The following SNTG2 variants were observed in gnomAD, a reference collection of about 807,000 sequenced individuals.
SNTG2 encodes gamma-2-syntrophin.
A neutral mutation model predicts 70.9 loss-of-function variants in SNTG2; 74 were observed. The observed-to-expected ratio is 1.04, with a 90% CI of 0.86 to 1.27. The LOEUF (loss-of-function observed/expected upper bound fraction) is 1.27. Among genes scored for constraint, SNTG2 ranks in the 50% most tolerant of loss-of-function variants. SNTG2 has a pLI of 0.00. For synonymous variants in SNTG2, 278 were observed against 273.8 expected (o/e 1.02, Z -0.15); for missense variants, 717 against 690.7 (o/e 1.04, Z -0.43).
At chr2:1,191,971 T>G (rs1437526297) in intron 8 of SNTG2, among the ~76,000 whole-genome samples, 1 of 152,186 alleles carries the variant, frequency 6.6e-6, no homozygotes, top group Non-Finnish European at 1.5e-5. Context: ...GATAGACATT[T>G]AAGTAAATAA....
intron 15 of SNTG2, among the ~76,000 whole-genome samples, 197 bp from the exon 16 acceptor site, chr2:1,316,068 G>A (rs1361235736): frequency 6.6e-6 from 1 of 152,184 alleles, no homozygotes; most frequent in African/African-American, 2.4e-5. Flanking sequence ...GGAGAGTTGA[G>A]TGGGCTGGAG....
chr2:1,302,383 G>T (rs572440822), intron 14 of SNTG2, among the ~76,000 whole-genome samples: 50 of 152,150 alleles, frequency 3.3e-4, no homozygotes, highest in African/African-American at 1.2e-3. Flanking sequence ...GAAAAGGAAG[G>T]TGAAGGGGAG....
In SNTG2 at chr2:1,321,348, A is replaced by G. The variant is rs1477419998; in HGVS notation, c.1488+4973A>G. Among the ~76,000 whole-genome samples the G allele has an allele frequency of 2.0e-5, 3 of 152,122 alleles. No homozygotes were observed. In the East Asian group the frequency reaches 5.8e-4, roughly 29 times the overall value. On this transcript the variant is annotated intron_variant, in intron 16 of 16. Coordinates refer to ENST00000308624, the MANE Select transcript of SNTG2 (RefSeq NM_018968.4). ...GGAGAAACACTACCGTGTATTTTTCACTCTATAATGATCTGTGAGAGTAAA... is the reference window on the plus strand; with the variant it reads ...GGAGAAACACTACCGTGTATTTTTCGCTCTATAATGATCTGTGAGAGTAAA...
chr2:1,230,837 G>A (rs1676171727), intron 9 of SNTG2, among the ~76,000 whole-genome samples: 1 of 152,220 alleles, frequency 6.6e-6, no homozygotes, highest in African/African-American at 2.4e-5. Context: ...CTCTTCCATA[G>A]GGTCACTGCA....
At chr2:1,366,595 C>T (rs1661499969) in intron 16 of SNTG2, among the ~76,000 whole-genome samples, 1 of 152,182 alleles carries the variant, frequency 6.6e-6, no homozygotes, top group African/African-American at 2.4e-5. Context: ...CTAGGAAACT[C>T]TCCCTGGGGC....
intron 1 of SNTG2, among the ~76,000 whole-genome samples, chr2:1,045,035 T>A (rs1661653158): frequency 6.6e-6 from 1 of 152,032 alleles, no homozygotes; most frequent in Admixed American, 6.6e-5. Context: ...GTCAGTTTTT[T>A]TTTTGTTAAT....
At chr2:1,330,782 G>C (rs1659483805) in intron 16 of SNTG2, among the ~76,000 whole-genome samples, 1 of 152,212 alleles carries the variant, frequency 6.6e-6, no homozygotes, top group Non-Finnish European at 1.5e-5. Flanking sequence ...GCAAGACAGA[G>C]CTCCATAAAT....
intron 1 of SNTG2, among the ~76,000 whole-genome samples, chr2:1,011,216 G>A (rs946252907): frequency 2.0e-5 from 3 of 152,238 alleles, no homozygotes; most frequent in Admixed American, 6.5e-5. Flanking sequence ...GTGACTGAGG[G>A]CCAGGTGGGA....
At chr2:1,336,277 C>T (rs1659811800) in intron 16 of SNTG2, among the ~76,000 whole-genome samples, 1 of 152,128 alleles carries the variant, frequency 6.6e-6, no homozygotes, top group Non-Finnish European at 1.5e-5. Flanking sequence ...TTGGGAAATG[C>T]CTGTCCAAGT....
rs973094514 is a variant in SNTG2 at position 1,097,701 on chromosome 2, A to C, written c.211-495A>C. ...TATCCCAGACATCTGTGGTCAGAGG[A>C]CGTGAAAAAATGGATCATTCATGAA... On this transcript the variant is annotated intron_variant, in intron 2 of 16. Coordinates refer to ENST00000308624, the MANE Select transcript of SNTG2 (RefSeq NM_018968.4). The surrounding 1 kb of genome is among the most constrained non-coding windows in gnomAD (Gnocchi z 4.1). Among the ~76,000 whole-genome samples, 2 of 152,078 alleles carry C rather than the reference A, an allele frequency of 1.3e-5. No individual in the cohort carries two copies. Among genetic ancestry groups the C allele is most frequent in the Non-Finnish European group, 2.9e-5 (2 of 68,022 alleles).
At position 1,293,776 on chromosome 2, in the gene SNTG2, C is replaced by T. The variant is rs547711407; in HGVS notation, c.1285-14718C>T. On this transcript the variant is annotated intron_variant, in intron 14 of 16. Transcript: ENST00000308624. The stretch of plus-strand genomic sequence containing the variant: ...TTGTTTTGCGGCCGAGCATGTGGAG[C>T]GAACCTTGTAAAGTATGATATCTAC... Among the ~76,000 whole-genome samples the T allele has an allele frequency of 9.2e-5, 14 of 152,184 alleles. No individual in the cohort carries two copies. The East Asian group carries it at 2.7e-3, about 29-fold the overall frequency.
intron 12 of SNTG2, among the ~76,000 whole-genome samples, chr2:1,253,436 G>A (rs1677877286): frequency 6.6e-6 from 1 of 152,198 alleles, no homozygotes; most frequent in Non-Finnish European, 1.5e-5. Flanking sequence ...GTGCCAGTGA[G>A]TGTTGCTCAG....
At chr2:1,005,789 G>A (rs1351672638) in intron 1 of SNTG2, among the ~76,000 whole-genome samples, 1 of 136,312 alleles carries the variant, frequency 7.3e-6, no homozygotes, top group Non-Finnish European at 1.6e-5. Context: ...GGGCGACAGA[G>A]CAAGACTCTG....
intron 16 of SNTG2, among the ~76,000 whole-genome samples, chr2:1,365,202 G>T (rs1384045693): frequency 6.6e-6 from 1 of 152,124 alleles, no homozygotes; most frequent in Non-Finnish European, 1.5e-5. Flanking sequence ...TAACACAAGG[G>T]CTGGGCAGGC....
intron 9 of SNTG2, among the ~76,000 whole-genome samples, chr2:1,211,907 A>G (rs1212620371): frequency 2.0e-5 from 3 of 152,180 alleles, no homozygotes; most frequent in Non-Finnish European, 4.4e-5. Context: ...GTAGAAACAC[A>G]TGTGTTATTC....
rs1031451375 is a variant in SNTG2 at position 985,731 on chromosome 2, G to A, written c.72+34663G>A. Among the ~76,000 whole-genome samples, 4 of 152,184 alleles carry A rather than the reference G, an allele frequency of 2.6e-5. No individual in the cohort carries two copies. The East Asian group carries it at 5.8e-4, about 22-fold the overall frequency. On this transcript the variant is annotated intron_variant, in intron 1 of 16. Coordinates refer to ENST00000308624, the MANE Select transcript of SNTG2 (RefSeq NM_018968.4). ...AAGTAACCCGTCTTCTGATAGGACC[G>A]TCTGAGAGCAGTTTCACCTAAAGGA... is the stretch of plus-strand genomic sequence containing the variant.
intron 1 of SNTG2, among the ~76,000 whole-genome samples, chr2:1,047,380 T>C (rs1339723036): frequency 1.3e-5 from 2 of 152,342 alleles, no homozygotes; most frequent in South Asian, 2.1e-4. Context: ...TTAAGAACCA[T>C]TGCTGGGGAA....
chr2:1,118,143 C>T (rs968526112), intron 4 of SNTG2, among the ~76,000 whole-genome samples: 4 of 152,056 alleles, frequency 2.6e-5, no homozygotes, highest in African/African-American at 4.8e-5. Flanking sequence ...CCTTGAGCAC[C>T]GGATGCCACA....
chr2:1,095,123 G>T (rs1004554393), intron 2 of SNTG2, among the ~76,000 whole-genome samples: 1 of 152,216 alleles, frequency 6.6e-6, no homozygotes, highest in Non-Finnish European at 1.5e-5. Flanking sequence ...CGCTGTATCT[G>T]CTGTCTTTTC....
Sources: allele counts gnomAD v4.1 joint callset (sites outside exome capture counted in the v4.1 genomes callset), GRCh38; gene constraint gnomAD v4.1.1; non-coding constraint Gnocchi (gnomAD v3.1); transcripts MANE v1.5; gene names NCBI Gene and HGNC (gene_info 2026-07-23, HGNC 2026-07-21).